MAPK6: variants seen among roughly 807,000 people sequenced by gnomAD.
The protein encoded by MAPK6 is mitogen-activated protein kinase 6, also known as ERK-3.
A neutral mutation model predicts 59.3 loss-of-function variants in MAPK6; 19 were observed. That is an observed-to-expected ratio of 0.32 (90% CI 0.22 to 0.47). The LOEUF (loss-of-function observed/expected upper bound fraction) is 0.47. Ranked by LOEUF, MAPK6 falls within the 20% of genes least tolerant of loss-of-function variation. The pLI is 1.00. For synonymous variants in MAPK6, 316 were observed against 290.3 expected (o/e 1.09, Z -0.90); for missense variants, 724 against 847.9 (o/e 0.85, Z 1.81).
intron 2 of MAPK6, among the ~76,000 whole-genome samples, chr15:51,991,146 TATACACACACAC>T (rs1254346491): frequency 2.5e-5 from 3 of 120,368 alleles, no homozygotes; most frequent in African/African-American, 6.8e-5. Flanking sequence ...AATATATATA[TATACACACACAC>T]ACACACACAC....
In MAPK6 at chr15:52,059,209, C is replaced by T. The variant is rs556688010; in HGVS notation, c.865+412C>T. ...TCTTTGAGTCTGTCTGCACAAATTC[C>T]ATTGCTAGCTCCCTTGCTCGTAACC... On this transcript the variant is annotated intron_variant, in intron 4 of 5. Transcript: ENST00000261845. Among the ~76,000 whole-genome samples, 4 of 152,318 alleles carry T rather than the reference C, an allele frequency of 2.6e-5. No homozygotes were observed. The South Asian group carries it at 8.3e-4, about 32-fold the overall frequency.
chr15:52,043,742 ATTTTTTT>A (rs71130125), intron 1 of MAPK6, among the ~76,000 whole-genome samples: 22 of 40,658 alleles, frequency 5.4e-4, no homozygotes, highest in Admixed American at 5.2e-3. Flanking sequence ...AAGTTGTTTG[ATTTTTTT>A]TTTTTTTTTT....
chr15:52,015,975 G>C (rs1170105856), upstream of MAPK6, among the ~76,000 whole-genome samples: 2 of 149,046 alleles, frequency 1.3e-5, no homozygotes, highest in African/African-American at 4.9e-5. Flanking sequence ...AGAATACCTT[G>C]AACCTGGGAG....
At chr15:52,017,760 A>G (rs955817503), upstream of MAPK6, 1 of 152,104 alleles carries the variant, frequency 6.6e-6, no homozygotes. Flanking sequence ...GTGATCAGAC[A>G]TTGATGGAAA....
At chr15:51,984,915 GTTTGT>G in intron 2 of MAPK6, among the ~76,000 whole-genome samples, 2 of 152,272 alleles carry the variant, frequency 1.3e-5, no homozygotes, top group East Asian at 3.9e-4. Context: ...ACTTCTGTGA[GTTTGT>G]TTTGTTTTTT....
chr15:51,981,949 A>G (rs1041445761), intron 1 of MAPK6, among the ~76,000 whole-genome samples: 6 of 152,216 alleles, frequency 3.9e-5, no homozygotes, highest in African/African-American at 4.8e-5. Flanking sequence ...AAGGAGTGAC[A>G]GAAGGGGATG....
chr15:51,973,762 C>G (rs111354868), intron 1 of MAPK6, among the ~76,000 whole-genome samples: 1 of 151,866 alleles, frequency 6.6e-6, no homozygotes. Context: ...GAGTGATTCT[C>G]CTGCCTCAGC....
At position 52,037,625 on chromosome 15, in the gene MAPK6, A is replaced by G. The variant is rs1043586213; in HGVS notation, c.-631-8205A>G. On this transcript the variant is annotated intron_variant, in intron 1 of 5. Coordinates refer to ENST00000261845, the MANE Select transcript of MAPK6 (RefSeq NM_002748.4). ...ATTTCTTCATTCTGAGTGGGTTGAAACCAGCTGCCTTCTTCATGTTGTTGG... is the reference window on the plus strand; with the variant it reads ...ATTTCTTCATTCTGAGTGGGTTGAAGCCAGCTGCCTTCTTCATGTTGTTGG... 5.3e-5 allele frequency among the ~76,000 whole-genome samples: 8 copies of G among 152,130 alleles called. No individual in the cohort carries two copies. The East Asian group carries it at 1.5e-3, about 29-fold the overall frequency.
intron 1 of MAPK6, among the ~76,000 whole-genome samples, chr15:51,980,586 G>A (rs2057170070): frequency 6.7e-6 from 1 of 148,962 alleles, no homozygotes; most frequent in South Asian, 2.2e-4. Context: ...TTTACCAGTT[G>A]GAATTACAGA....
upstream of MAPK6, among the ~76,000 whole-genome samples, chr15:52,016,111 C>CACACACACA (rs2030260042): frequency 7.5e-6 from 1 of 132,508 alleles, no homozygotes; most frequent in Non-Finnish European, 1.6e-5. Context: ...CACACACAAA[C>CACACACACA]TAAAACTGGC....
chr15:52,057,225 C>G (rs942358285), intron 3 of MAPK6: 3 of 152,344 alleles, frequency 2.0e-5, no homozygotes, highest in East Asian at 3.9e-4. Flanking sequence ...TATTTGCTGT[C>G]TTTAGTTACC....
intron 1 of MAPK6, among the ~76,000 whole-genome samples, chr15:51,974,922 T>C (rs2057153162): frequency 6.6e-6 from 1 of 151,158 alleles, no homozygotes; most frequent in African/African-American, 2.4e-5. Context: ...TTCACCATGT[T>C]GGCCAGGCTG....
intron 3 of MAPK6, among the ~76,000 whole-genome samples, chr15:52,057,662 A>T (rs1324017947): frequency 1.3e-5 from 2 of 152,106 alleles, no homozygotes; most frequent in Admixed American, 6.5e-5. Context: ...CTTGTGCTTC[A>T]GCCTCCCAAG....
intron 2 of MAPK6, among the ~76,000 whole-genome samples, chr15:51,984,711 G>A (rs1336607881): frequency 6.6e-6 from 1 of 151,962 alleles, no homozygotes; most frequent in Non-Finnish European, 1.5e-5. Flanking sequence ...GCCCTGATAT[G>A]TGGTGTTTGC....
upstream of MAPK6, among the ~76,000 whole-genome samples, chr15:52,015,096 G>A (rs1387496144): frequency 1.3e-5 from 2 of 152,092 alleles, no homozygotes; most frequent in Non-Finnish European, 2.9e-5. Context: ...CGCCTCCCGG[G>A]TTCAAGCAAT....
At chr15:52,037,708 A>G (rs900745298) in intron 1 of MAPK6, among the ~76,000 whole-genome samples, 1 of 152,184 alleles carries the variant, frequency 6.6e-6, no homozygotes, top group African/African-American at 2.4e-5. Context: ...AAAGGAAAAT[A>G]CCATATCTGG....
chr15:52,010,734 G>T (rs1178489677), intron 3 of MAPK6, among the ~76,000 whole-genome samples: 6 of 152,088 alleles, frequency 3.9e-5, no homozygotes, highest in Admixed American at 6.5e-5. Flanking sequence ...GGCTAGGCTG[G>T]TCTCAAACTC....
chr15:52,061,543 T>C lies in MAPK6; in HGVS notation c.1067+43T>C, dbSNP rs75919999. ...TAGAAAAATAATATTTACTGAACTT[T>C]CAGTGGACCATATGTAGTGAGTTTT... is the stretch of plus-strand genomic sequence containing the variant. On this transcript the variant is annotated intron_variant, in intron 5 of 5. Coordinates refer to ENST00000261845, the MANE Select transcript of MAPK6 (RefSeq NM_002748.4). 5.6e-3 allele frequency: 7,969 copies of C among 1,417,280 alleles called. 358 individuals are homozygous for C. In the African/African-American group the frequency reaches 0.1, roughly 18 times the overall value. 87.8% of individuals were successfully genotyped at this position (1,417,280 alleles called of 1,614,324 possible).
intron 1 of MAPK6, among the ~76,000 whole-genome samples, chr15:51,979,032 G>C (rs1231837831): frequency 6.6e-6 from 1 of 150,732 alleles, no homozygotes; most frequent in Non-Finnish European, 1.5e-5. Flanking sequence ...GATCATTTGA[G>C]GCTGGGAAGT....
Sources: gnomAD v4.1 joint callset for allele counts (sites outside exome capture counted in the v4.1 genomes callset) on GRCh38, gnomAD v4.1.1 for gene constraint, MANE v1.5 for transcripts, NCBI Gene and HGNC (gene_info 2026-07-23, HGNC 2026-07-21) for gene names.